KCNN2: variants seen among roughly 807,000 people sequenced by gnomAD.
KCNN2 encodes small conductance calcium-activated potassium channel protein 2.
In KCNN2, 24 loss-of-function variants were observed where a neutral mutation model predicts 55.5. The observed-to-expected ratio is 0.43, with a 90% CI of 0.31 to 0.61. The LOEUF (loss-of-function observed/expected upper bound fraction) is 0.61. Among genes scored for constraint, KCNN2 ranks in the 20% least tolerant of loss-of-function variants. The pLI is 0.08. For synonymous variants in KCNN2, 431 were observed against 336.1 expected, an observed-to-expected ratio of 1.28 and a Z score of -3.09; for missense variants, 754 against 853.6, an observed-to-expected ratio of 0.88 and a Z score of 1.45.
chr5:114,170,541 C>A (rs1753011394), intron 1 of KCNN2, among the ~76,000 whole-genome samples: 1 of 151,968 alleles, frequency 6.6e-6, no homozygotes. Context: ...ACCTATGCAT[C>A]ACACCTCCAC....
chr5:114,268,730 T>TA (rs1455130277), intron 2 of KCNN2, among the ~76,000 whole-genome samples: 1 of 152,196 alleles, frequency 6.6e-6, no homozygotes, highest in Non-Finnish European at 1.5e-5. Context: ...ATCTAGTTCT[T>TA]ATGAGATGCA....
At chr5:114,149,576 C>A (rs953525108) in intron 1 of KCNN2, among the ~76,000 whole-genome samples, 9 of 151,984 alleles carry the variant, frequency 5.9e-5, no homozygotes, top group Non-Finnish European at 1.3e-4. Flanking sequence ...GATTTAGGGT[C>A]ATTTGATTAT....
chr5:114,288,041 C>A (rs1037719), intron 2 of KCNN2, among the ~76,000 whole-genome samples: 16,040 of 152,200 alleles, frequency 0.11, 926 homozygotes, highest in African/African-American at 0.14. Flanking sequence ...TACTCGCTGG[C>A]ACCCAGTAAC....
At chr5:114,431,402 A>G (rs570176540) in intron 3 of KCNN2, among the ~76,000 whole-genome samples, 31 of 151,990 alleles carry the variant, frequency 2.0e-4, no homozygotes, top group African/African-American at 7.0e-4. Context: ...TTACTTTGCT[A>G]TCCTTTAAAC....
intron 3 of KCNN2, among the ~76,000 whole-genome samples, chr5:114,450,838 T>A (rs186413962): frequency 2.7e-4 from 41 of 152,354 alleles, no homozygotes; most frequent in Non-Finnish European, 4.7e-4. Flanking sequence ...ACATCCCACT[T>A]GACTTCAGAT....
At chr5:114,246,304 T>C (rs1218015128) in intron 2 of KCNN2, among the ~76,000 whole-genome samples, 2 of 152,208 alleles carry the variant, frequency 1.3e-5, no homozygotes, top group Admixed American at 6.5e-5. Context: ...ATGCATCTTA[T>C]TGGGTAAAAT....
At chr5:114,157,891 T>G (rs1407247105) in intron 1 of KCNN2, among the ~76,000 whole-genome samples, 1 of 151,872 alleles carries the variant, frequency 6.6e-6, no homozygotes, top group African/African-American at 2.4e-5. Context: ...TCATTGTAGA[T>G]TCTGGATATT....
intron 1 of KCNN2, among the ~76,000 whole-genome samples, chr5:114,100,558 A>G (rs1288406049): frequency 2.6e-5 from 4 of 152,186 alleles, no homozygotes; most frequent in Admixed American, 1.3e-4. Context: ...GTGTATCAGT[A>G]TGAATATATG....
chr5:114,262,588 G>A (rs1210907967), intron 2 of KCNN2, among the ~76,000 whole-genome samples: 3 of 152,190 alleles, frequency 2.0e-5, no homozygotes, highest in Non-Finnish European at 4.4e-5. Context: ...TGCCCTCCCT[G>A]TAAAAGTGCA....
chr5:114,363,418 G>C lies in KCNN2; in HGVS notation c.1122+157G>C, dbSNP rs79299200. ...GGCGCGTCTAGGACGCGCATCCGTA[G>C]TCAGCTAAACAACTCGGAGATGAAC... is the stretch of plus-strand genomic sequence containing the variant. On this transcript the variant is annotated intron_variant, in intron 1 of 7. Coordinates refer to ENST00000673685, the MANE Select transcript of KCNN2 (RefSeq NM_021614.4). Among the ~76,000 whole-genome samples, 4 of 152,360 alleles carry C rather than the reference G, an allele frequency of 2.6e-5. No individual in the cohort carries two copies. In the East Asian group the frequency reaches 5.8e-4, roughly 22 times the overall value.
chr5:114,319,414 T>C (rs999668542), intron 2 of KCNN2, among the ~76,000 whole-genome samples: 1 of 152,208 alleles, frequency 6.6e-6, no homozygotes, highest in South Asian at 2.1e-4. Flanking sequence ...CTTTCTGTCA[T>C]CAGTTGGCTG....
chr5:114,288,718 C>T (rs749437925), intron 2 of KCNN2, among the ~76,000 whole-genome samples: 1 of 151,922 alleles, frequency 6.6e-6, no homozygotes, highest in Non-Finnish European at 1.5e-5. Context: ...ATTGCATTGT[C>T]TTTTTGTTAT....
chr5:114,056,293 C>A, exon 1 of KCNN2: 2 of 398,376 alleles, frequency 5.0e-6, no homozygotes, highest in East Asian at 7.1e-5. Flanking sequence ...CAAGCAGGCA[C>A]GGAATTTGAC....
Position 114,363,355 on chromosome 5 carries a change from C to T in KCNN2, c.1122+94C>T, listed in dbSNP as rs1424813409. 1.0e-5 allele frequency: 14 copies of T among 1,401,376 alleles called. No individual in the cohort carries two copies. The East Asian group carries it at 1.5e-4, about 15-fold the overall frequency. The allele number at this position is 1,401,376 out of a possible 1,614,324, so 86.8% of individuals were successfully genotyped here. A position where few individuals can be genotyped will look rare whatever the true frequency, so the allele number is the denominator to read the frequency against. ...GGACCCTTTGCGTGCGGATCCCTAG[C>T]CTCTCCGGGACGATCAAGGGAGCCC... On this transcript the variant is annotated intron_variant, in intron 1 of 7. Coordinates refer to ENST00000673685, the MANE Select transcript of KCNN2 (RefSeq NM_021614.4).
At chr5:114,291,722 G>C (rs1348465091) in intron 2 of KCNN2, among the ~76,000 whole-genome samples, 1 of 152,166 alleles carries the variant, frequency 6.6e-6, no homozygotes, top group African/African-American at 2.4e-5. Flanking sequence ...GGGATGGCTA[G>C]GTCAAATGGT....
chr5:114,296,157 A>G (rs1053613960), intron 2 of KCNN2, among the ~76,000 whole-genome samples: 5 of 152,240 alleles, frequency 3.3e-5, no homozygotes, highest in Non-Finnish European at 7.3e-5. Context: ...CTTCAGTTTG[A>G]AAAACATTGT....
intron 1 of KCNN2, among the ~76,000 whole-genome samples, chr5:114,159,997 G>A (rs536918762): frequency 3.4e-4 from 51 of 152,114 alleles, no homozygotes; most frequent in South Asian, 2.5e-3. Context: ...TTGTGTCTCT[G>A]TTTCCTTCAG....
intron 7 of KCNN2, 88 bp downstream of exon 7, chr5:114,493,560 C>A: frequency 1.1e-6 from 1 of 889,914 alleles, no homozygotes; most frequent in Non-Finnish European, 1.9e-6. Flanking sequence ...CAAGAGGATC[C>A]CAACCCAAAT....
chr5:114,212,115 A>G (rs1483264405), intron 1 of KCNN2, among the ~76,000 whole-genome samples: 1 of 152,046 alleles, frequency 6.6e-6, no homozygotes, highest in Non-Finnish European at 1.5e-5. Context: ...ACATTTGGTG[A>G]AACCACTTAA....
Sources: allele counts gnomAD v4.1 joint callset (sites outside exome capture counted in the v4.1 genomes callset), GRCh38; gene constraint gnomAD v4.1.1; transcripts MANE v1.5; gene names NCBI Gene and HGNC (gene_info 2026-07-23, HGNC 2026-07-21).